The following YJU2B variants were observed in gnomAD, a reference collection of about 807,000 sequenced individuals.
YJU2B encodes probable splicing factor YJU2B.
A neutral mutation model predicts 38.0 loss-of-function variants in YJU2B; 18 were observed. The observed-to-expected ratio is 0.47, with a 90% CI of 0.33 to 0.70. The LOEUF (loss-of-function observed/expected upper bound fraction) is 0.70. YJU2B is among the 30% of genes least tolerant of loss of function. The pLI is 0.02. For missense variants in YJU2B, 538 were observed against 556.3 expected (o/e 0.97, Z 0.33); for synonymous variants, 246 against 225.4 (o/e 1.09, Z -0.82).
upstream of YJU2B, among the ~76,000 whole-genome samples, chr19:13,743,580 GAA>G (rs35952396): frequency 5.9e-3 from 783 of 132,848 alleles, no homozygotes; most frequent in Middle Eastern, 0.033. Flanking sequence ...TCAGTCTCAG[GAA>G]AAAAAAAAGA....
intron 2 of YJU2B, among the ~76,000 whole-genome samples, chr19:13,752,668 C>T (rs778260145): frequency 6.6e-6 from 1 of 152,026 alleles, no homozygotes; most frequent in Non-Finnish European, 1.5e-5. Context: ...CGCTTGAACC[C>T]GGGAGGTGGA....
At chr19:13,738,056 G>A (rs1179225313) in intron 2 of YJU2B, among the ~76,000 whole-genome samples, 2 of 152,140 alleles carry the variant, frequency 1.3e-5, no homozygotes, top group African/African-American at 4.8e-5. Context: ...TCTAGACCAA[G>A]CTGGACACAG....
upstream of YJU2B, among the ~76,000 whole-genome samples, chr19:13,747,082 G>A (rs941167973): frequency 1.3e-5 from 2 of 152,144 alleles, no homozygotes; most frequent in African/African-American, 4.8e-5. Flanking sequence ...GCCCTCAGAA[G>A]GATACATGAT....
chr19:13,762,728 C>T lies in YJU2B; in HGVS notation c.851C>T (p.Ala284Val), dbSNP rs1407188201. 2.5e-6 allele frequency: 4 copies of T among 1,608,112 alleles called. No individual in the cohort carries two copies. The highest frequency in any genetic ancestry group is 3.4e-6 in the Non-Finnish European group (4 of 1,179,406). The change falls in exon 10 of 10, where the codon GCC becomes GTC. Residue 284 changes from alanine to valine, a missense_variant. Around this residue, in one of 2 missense-constraint regions of YJU2B, gnomAD observed 488 missense variants for 469.5 expected, o/e 1.04. Coordinates refer to ENST00000221554, the MANE Select transcript of YJU2B (RefSeq NM_030818.4). ...GCACAGAGCCGCAGAACCGCGCTTGCCACCTCCCCCATCACCGTCGGGGAC... is the reference window on the plus strand; with the variant it reads ...GCACAGAGCCGCAGAACCGCGCTTGTCACCTCCCCCATCACCGTCGGGGAC... ...KLAQSRRTAL[A>V]TSPITVGDLG...
At chr19:13,755,498 T>C (rs573920416) in intron 3 of YJU2B, among the ~76,000 whole-genome samples, 27 of 150,742 alleles carry the variant, frequency 1.8e-4, no homozygotes, top group African/African-American at 6.6e-4. Context: ...GCACATGAAG[T>C]CCCCAGCGAA....
At chr19:13,745,452 C>T (rs374849588), upstream of YJU2B, among the ~76,000 whole-genome samples, 3 of 151,822 alleles carry the variant, frequency 2.0e-5, no homozygotes, top group East Asian at 3.9e-4. Context: ...CACCTGAGGT[C>T]AGGAATTCAA....
At chr19:13,734,505 G>A (rs961053294) in intron 2 of YJU2B, among the ~76,000 whole-genome samples, 4 of 152,060 alleles carry the variant, frequency 2.6e-5, no homozygotes, top group Non-Finnish European at 5.9e-5. Context: ...GGCCAGGCTG[G>A]TCTTGAACTC....
intron 2 of YJU2B, among the ~76,000 whole-genome samples, chr19:13,740,521 T>G (rs1973064941): frequency 6.6e-6 from 1 of 151,492 alleles, no homozygotes; most frequent in South Asian, 2.1e-4. Flanking sequence ...CAGTTAGACG[T>G]TTTTTGTTTT....
At chr19:13,743,154 T>TTTTTTTTTTTTTTTTTTTTTTTTG (rs1568279372), upstream of YJU2B, among the ~76,000 whole-genome samples, 5 of 152,174 alleles carry the variant, frequency 3.3e-5, no homozygotes, top group African/African-American at 1.2e-4. Context: ...GGGGGTTTTT[T>TTTTTTTTTTTTTTTTTTTTTTTTG]AAGGCAGGTG....
upstream of YJU2B, among the ~76,000 whole-genome samples, chr19:13,747,616 G>A (rs577206231): frequency 8.5e-5 from 13 of 152,220 alleles, no homozygotes; most frequent in Non-Finnish European, 1.5e-4. Context: ...GACTACAGGG[G>A]CCCGCCACCA....
At chr19:13,741,778 C>G (rs539804025) in intron 2 of YJU2B, among the ~76,000 whole-genome samples, 1 of 152,086 alleles carries the variant, frequency 6.6e-6, no homozygotes, top group South Asian at 2.1e-4. Flanking sequence ...ATTGGAGGGC[C>G]TTATAAGCTG....
At chr19:13,732,762 C>G (rs1391290450) in intron 2 of YJU2B, among the ~76,000 whole-genome samples, 1 of 151,330 alleles carries the variant, frequency 6.6e-6, no homozygotes, top group Non-Finnish European at 1.5e-5. Context: ...GCATGCACCA[C>G]CACACTCAGC....
In YJU2B at chr19:13,762,598, G is replaced by GACA; in HGVS notation, c.723_725dup (p.Asp241_Lys242insAsn). 6.5e-7 allele frequency: 1 copy of GACA among 1,528,582 alleles called. No homozygotes were observed. Among genetic ancestry groups the GACA allele is most frequent in the Non-Finnish European group, 8.7e-7 (1 of 1,145,152 alleles). The allele number at this position is 1,528,582 out of a possible 1,614,324, so 94.7% of individuals were successfully genotyped here. On this transcript the variant is annotated inframe_insertion, in exon 10 of 10. Coordinates refer to ENST00000221554, the MANE Select transcript of YJU2B (RefSeq NM_030818.4). ...CCTCTCCTCTCCTCTAGCCTACGAG[G>GACA]ACAAGCAGAAACTCAAGCGGACCGA...
intron 2 of YJU2B, among the ~76,000 whole-genome samples, chr19:13,732,918 C>G (rs934913645): frequency 4.1e-5 from 6 of 147,926 alleles, no homozygotes; most frequent in African/African-American, 1.5e-4. Flanking sequence ...ATAAAAAATG[C>G]ATACCTTTTG....
At chr19:13,743,437 G>A (rs1973145402), upstream of YJU2B, among the ~76,000 whole-genome samples, 2 of 149,840 alleles carry the variant, frequency 1.3e-5, no homozygotes, top group Non-Finnish European at 3.0e-5. Flanking sequence ...AACATTAGCC[G>A]GATGTGGTGG....
upstream of YJU2B, among the ~76,000 whole-genome samples, chr19:13,743,142 G>A (rs867972958): frequency 2.0e-5 from 3 of 152,294 alleles, no homozygotes; most frequent in South Asian, 2.1e-4. Flanking sequence ...TGGCTTGCAG[G>A]TGGGGGTTTT....
At chr19:13,745,721 AGATATC>A (rs1419760898), upstream of YJU2B, among the ~76,000 whole-genome samples, 54 of 95,098 alleles carry the variant, frequency 5.7e-4, no homozygotes, top group African/African-American at 2.2e-3. Flanking sequence ...ATAGATCTAT[AGATATC>A]TATATATATA....
chr19:13,762,924 G>A lies in YJU2B; in HGVS notation c.1047G>A (p.Pro349=), dbSNP rs752129226. 8 of 1,611,716 alleles carry A rather than the reference G, an allele frequency of 5.0e-6. No homozygotes were observed. Among genetic ancestry groups the A allele is most frequent in the Non-Finnish European group, 6.8e-6 (8 of 1,179,766 alleles). Residue 349 remains proline, a synonymous_variant, in exon 10 of 10, where the codon CCG becomes CCA. Transcript: ENST00000221554. ...CTGAGACCCCCAAGTGCAGCAGCCC[G>A]AGGGGGCAGGAAGGGAGCCGTCAGG... ...ETTETPKCSS[P]RGQEGSRQDK...
chr19:13,759,341 C>A, intron 8 of YJU2B, 69 bp downstream of exon 8: 2 of 1,258,400 alleles, frequency 1.6e-6, no homozygotes, highest in Non-Finnish European at 2.2e-6. Context: ...CAGCCCTCCC[C>A]CCACCACATC....
Sources: allele counts gnomAD v4.1 joint callset (sites outside exome capture counted in the v4.1 genomes callset), GRCh38; gene constraint gnomAD v4.1.1; regional missense constraint gnomAD v4.1.1; transcripts MANE v1.5; gene names NCBI Gene and HGNC (gene_info 2026-07-23, HGNC 2026-07-21).